The following RNF152 variants were observed in gnomAD, a reference collection of about 807,000 sequenced individuals.
The protein encoded by RNF152 is E3 ubiquitin-protein ligase RNF152.
Under a neutral mutation model 12.7 loss-of-function variants are expected in RNF152, and 11 were observed. That is an observed-to-expected ratio of 0.86 (90% CI 0.54 to 1.43). The LOEUF (loss-of-function observed/expected upper bound fraction) is 1.43. Ranked by LOEUF, RNF152 falls within the 40% of genes most tolerant of loss-of-function variation. The pLI, the probability that RNF152 is intolerant of heterozygous loss-of-function variation, is 0.00. For missense variants in RNF152, 255 were observed against 274.8 expected (o/e 0.93, Z 0.51); for synonymous variants, 113 against 120.3 (o/e 0.94, Z 0.40).
chr18:61,829,255 G>A (rs983550466), intron 1 of RNF152, among the ~76,000 whole-genome samples: 1 of 152,156 alleles, frequency 6.6e-6, no homozygotes. Context: ...CAGCCTGGAC[G>A]ACTGGCCTGC....
intron 1 of RNF152, among the ~76,000 whole-genome samples, chr18:61,841,762 T>G (rs1910464949): frequency 1.3e-5 from 2 of 152,214 alleles, no homozygotes; most frequent in Non-Finnish European, 1.5e-5. Flanking sequence ...CTTAGACTAG[T>G]GCTTCTCAAT....
At chr18:61,886,809 T>C (rs1433977157) in intron 1 of RNF152, among the ~76,000 whole-genome samples, 1 of 152,256 alleles carries the variant, frequency 6.6e-6, no homozygotes, top group Non-Finnish European at 1.5e-5. Context: ...TCGTAGGTGA[T>C]AATACAAGAC....
At chr18:61,834,382 T>C (rs546828903) in intron 1 of RNF152, among the ~76,000 whole-genome samples, 1 of 152,344 alleles carries the variant, frequency 6.6e-6, no homozygotes, top group South Asian at 2.1e-4. Context: ...TAGACACCAC[T>C]TCTATGTTCT....
At chr18:61,843,219 C>T (rs552307798) in intron 1 of RNF152, among the ~76,000 whole-genome samples, 1 of 152,292 alleles carries the variant, frequency 6.6e-6, no homozygotes, top group South Asian at 2.1e-4. Flanking sequence ...CTCGTGCACA[C>T]CCTACAGAAA....
chr18:61,871,085 C>T (rs1310898723), intron 1 of RNF152, among the ~76,000 whole-genome samples: 4 of 152,088 alleles, frequency 2.6e-5, no homozygotes, highest in South Asian at 2.1e-4. Flanking sequence ...CCTTAGGCTT[C>T]GATTCACACC....
intron 1 of RNF152, among the ~76,000 whole-genome samples, chr18:61,852,725 G>A (rs1027074260): frequency 6.6e-6 from 1 of 152,102 alleles, no homozygotes; most frequent in Admixed American, 6.5e-5. Context: ...GGTGCTGCCT[G>A]GACATCAGGA....
chr18:61,840,608 G>A (rs1025188090), intron 1 of RNF152, among the ~76,000 whole-genome samples: 2 of 152,054 alleles, frequency 1.3e-5, no homozygotes, highest in Non-Finnish European at 2.9e-5. Flanking sequence ...TGGGTCCCAG[G>A]GAGCCTGAGA....
intron 1 of RNF152, among the ~76,000 whole-genome samples, chr18:61,836,457 G>A (rs994138872): frequency 6.6e-5 from 10 of 152,276 alleles, no homozygotes; most frequent in African/African-American, 2.4e-4. Flanking sequence ...AAGGCCCTAA[G>A]ATGGGATTAG....
intron 1 of RNF152, among the ~76,000 whole-genome samples, chr18:61,880,325 T>C (rs1450781568): frequency 6.6e-6 from 1 of 152,198 alleles, no homozygotes; most frequent in African/African-American, 2.4e-5. Flanking sequence ...TCTTCCTAAA[T>C]TACGTTACAC....
chr18:61,833,651 A>G (rs1165147848), intron 1 of RNF152, among the ~76,000 whole-genome samples: 1 of 152,220 alleles, frequency 6.6e-6, no homozygotes, highest in Non-Finnish European at 1.5e-5. Context: ...GTTTTTCTTT[A>G]GCTGATGGGA....
chr18:61,836,209 G>A (rs1910175651), intron 1 of RNF152, among the ~76,000 whole-genome samples: 1 of 152,124 alleles, frequency 6.6e-6, no homozygotes, highest in African/African-American at 2.4e-5. Context: ...AAGTGAGCCT[G>A]GAATGTCCTT....
At chr18:61,849,615 C>T (rs2144691015) in intron 1 of RNF152, among the ~76,000 whole-genome samples, 1 of 152,316 alleles carries the variant, frequency 6.6e-6, no homozygotes, top group Middle Eastern at 3.4e-3. Context: ...GTTCTTAAAA[C>T]TATGGTTTTA....
chr18:61,878,013 G>A (rs1402532274), intron 1 of RNF152, among the ~76,000 whole-genome samples: 1 of 152,140 alleles, frequency 6.6e-6, no homozygotes, highest in Non-Finnish European at 1.5e-5. Flanking sequence ...CATATCCTAG[G>A]ACTTCAGACT....
chr18:61,892,861 T>G lies in RNF152; in HGVS notation c.-202A>C, dbSNP rs188499270. 4 of 152,236 alleles carry G rather than the reference T, an allele frequency of 2.6e-5. No individual in the cohort carries two copies. In the East Asian group the frequency reaches 7.7e-4, roughly 29 times the overall value. 9.4% of individuals were successfully genotyped at this position (152,236 alleles called of 1,614,324 possible). On this transcript the variant is annotated 5_prime_UTR_variant, in exon 1 of 2. Transcript: ENST00000312828. ...GACATCAAGTGGAAATGGTACACGT[T>G]TAGGAGGCAAGAGGCTGACAGGCAG...
rs1290627068 is a variant in RNF152, at chr18:61,813,278, T to TCTCACACACA, written c.*2573_*2574insTGTGTGTGAG. Reference sequence around the variant, plus strand: ...GAGATTCTCTCTCTCTCTCTCTCTCTCACACACACACACACACACACACAC... The same window carrying TCTCACACACA: ...GAGATTCTCTCTCTCTCTCTCTCTCTCTCACACACACACACACACACACACACACACACAC... On this transcript the variant is annotated 3_prime_UTR_variant, in exon 2 of 2. Transcript: ENST00000312828. 1 of 117,210 alleles carries TCTCACACACA rather than the reference T, an allele frequency of 8.5e-6. No homozygotes were observed. Among genetic ancestry groups the TCTCACACACA allele is most frequent in the African/African-American group, 3.1e-5 (1 of 32,338 alleles). The allele number at this position is 117,210 out of a possible 1,614,324, so 7.3% of individuals were successfully genotyped here.
chr18:61,851,048 T>C (rs1433196729), intron 1 of RNF152, among the ~76,000 whole-genome samples: 1 of 151,344 alleles, frequency 6.6e-6, no homozygotes, highest in Non-Finnish European at 1.5e-5. Context: ...GTGACCTTTC[T>C]CTGTTTGGTC....
At chr18:61,872,313 G>A (rs1912030703) in intron 1 of RNF152, among the ~76,000 whole-genome samples, 1 of 152,068 alleles carries the variant, frequency 6.6e-6, no homozygotes, top group Non-Finnish European at 1.5e-5. Flanking sequence ...ATGAGATTTG[G>A]GTGGGGACAT....
chr18:61,875,103 G>C (rs899220710), intron 1 of RNF152: 13 of 152,224 alleles, frequency 8.5e-5, no homozygotes, highest in African/African-American at 3.1e-4. Context: ...TCTGAACAGG[G>C]TATTGAAGGA....
intron 1 of RNF152, among the ~76,000 whole-genome samples, chr18:61,872,692 C>T (rs1912043998): frequency 6.6e-6 from 1 of 152,050 alleles, no homozygotes; most frequent in Non-Finnish European, 1.5e-5. Flanking sequence ...TCTCTTCTTC[C>T]ACAACTATGT....
Sources: gnomAD v4.1 joint callset for allele counts (sites outside exome capture counted in the v4.1 genomes callset) on GRCh38, gnomAD v4.1.1 for gene constraint, MANE v1.5 for transcripts, NCBI Gene and HGNC (gene_info 2026-07-23, HGNC 2026-07-21) for gene names.